The following ZNF423 variants were observed in gnomAD, a reference collection of about 807,000 sequenced individuals.
ZNF423 encodes the protein Ebf-associated zinc finger protein.
A neutral mutation model predicts 95.8 loss-of-function variants in ZNF423; 12 were observed. That is an observed-to-expected ratio of 0.13 (90% CI 0.08 to 0.20). The LOEUF is 0.20. Ranked by LOEUF, ZNF423 falls within the 10% of genes least tolerant of loss-of-function variation. ZNF423 has a pLI of 1.00. For synonymous variants in ZNF423, 749 were observed against 711.9 expected (o/e 1.05, Z -0.83); for missense variants, 1,316 against 1,737.1 (o/e 0.76, Z 4.31).
intron 5 of ZNF423, among the ~76,000 whole-genome samples, chr16:49,558,383 G>C (rs1969907290): frequency 6.6e-6 from 1 of 152,202 alleles, no homozygotes; most frequent in Non-Finnish European, 1.5e-5. Context: ...GGGGCAAGGA[G>C]AGAAAGTTCC....
chr16:49,638,192 G>T lies in ZNF423; in HGVS notation c.984C>A (p.Asn328Lys), dbSNP rs748115029. ...LLAHIHQAHA[N>K]QKHKCPMCPE... ...GGCACATGGGGCACTTGTGTTTCTGGTTGGCGTGGGCTTGGTGGATATGGG... is the reference window on the plus strand; with the variant it reads ...GGCACATGGGGCACTTGTGTTTCTGTTTGGCGTGGGCTTGGTGGATATGGG... Residue 328 changes from asparagine (N) to lysine (K), a missense_variant, in exon 4 of 8, where the codon AAC becomes AAA. Transcript: ENST00000563137. This position sits in a 1 kb window ranked among gnomAD's most constrained non-coding sequence, Gnocchi z 5.6. The T allele has an allele frequency of 6.2e-7, 1 of 1,608,122 alleles. No homozygotes were observed. The highest frequency in any genetic ancestry group is 1.1e-5 in the South Asian group (1 of 91,078).
intron 2 of ZNF423, among the ~76,000 whole-genome samples, chr16:49,741,225 T>C (rs959915935): frequency 1.3e-5 from 2 of 151,398 alleles, no homozygotes; most frequent in Non-Finnish European, 2.9e-5. Context: ...AGAAAATCCA[T>C]GGCTCACAGC....
intron 3 of ZNF423, among the ~76,000 whole-genome samples, chr16:49,650,139 A>T (rs922864041): frequency 2.0e-5 from 3 of 152,246 alleles, no homozygotes; most frequent in African/African-American, 7.2e-5. Flanking sequence ...GCCATGTGAC[A>T]GTGAACAGCT....
intron 2 of ZNF423, among the ~76,000 whole-genome samples, chr16:49,765,701 C>A (rs1311981693): frequency 1.3e-5 from 2 of 152,074 alleles, no homozygotes; most frequent in African/African-American, 4.8e-5. Context: ...GCCTGGACAA[C>A]AGAACGAGAC....
chr16:49,722,977 A>G (rs2032910103), intron 3 of ZNF423, among the ~76,000 whole-genome samples: 1 of 132,972 alleles, frequency 7.5e-6, no homozygotes. Context: ...TTTTTTTGAG[A>G]CTGAGTGTCA....
chr16:49,537,179 G>A (rs1969082261), intron 5 of ZNF423, among the ~76,000 whole-genome samples: 2 of 152,236 alleles, frequency 1.3e-5, no homozygotes, highest in Non-Finnish European at 2.9e-5. Flanking sequence ...ACACTGCAGA[G>A]CCATGAAGTT....
At chr16:49,649,666 CA>C (rs1555517866) in intron 3 of ZNF423, among the ~76,000 whole-genome samples, 1 of 50,642 alleles carries the variant, frequency 2.0e-5, no homozygotes, top group Admixed American at 1.9e-4. Context: ...CACACACACA[CA>C]CAGGGAGAGA....
At chr16:49,511,975 C>T (rs1203916215) in intron 7 of ZNF423, among the ~76,000 whole-genome samples, 3 of 152,166 alleles carry the variant, frequency 2.0e-5, no homozygotes, top group Admixed American at 1.3e-4. Context: ...TTGTGTAGCA[C>T]TTATGTTGTA....
intron 5 of ZNF423, among the ~76,000 whole-genome samples, chr16:49,534,994 C>A (rs1301288703): frequency 2.0e-5 from 3 of 152,192 alleles, no homozygotes; most frequent in Non-Finnish European, 4.4e-5. Flanking sequence ...GTTCTTCTTG[C>A]TTCTCTCTCT....
chr16:49,741,340 C>G (rs186113787), intron 2 of ZNF423, among the ~76,000 whole-genome samples: 91 of 151,860 alleles, frequency 6.0e-4, no homozygotes, highest in Admixed American at 1.2e-3. Context: ...ACTAAAAATG[C>G]CCCAAAAAAA....
intron 2 of ZNF423, among the ~76,000 whole-genome samples, chr16:49,744,888 T>A (rs1357234625): frequency 6.6e-6 from 1 of 152,226 alleles, no homozygotes; most frequent in Non-Finnish European, 1.5e-5. Context: ...CTGCTGGCGA[T>A]GTTCTTTAGT....
chr16:49,758,830 G>T (rs1445873423), intron 2 of ZNF423, among the ~76,000 whole-genome samples: 1 of 152,152 alleles, frequency 6.6e-6, no homozygotes, highest in African/African-American at 2.4e-5. Context: ...GTGGCAAGGG[G>T]TACACACGTG....
intron 1 of ZNF423, among the ~76,000 whole-genome samples, chr16:49,846,329 A>C (rs924522762): frequency 2.0e-5 from 3 of 150,614 alleles, no homozygotes; most frequent in Admixed American, 6.6e-5. Flanking sequence ...AAAGGCATAG[A>C]TATGCCACAG....
chr16:49,607,241 T>C (rs561694467), intron 5 of ZNF423, among the ~76,000 whole-genome samples: 1 of 152,242 alleles, frequency 6.6e-6, no homozygotes, highest in Non-Finnish European at 1.5e-5. Context: ...GGTCCTTGCA[T>C]AGTGAAAGGT....
chr16:49,558,210 G>C (rs1405432015), intron 5 of ZNF423, among the ~76,000 whole-genome samples: 1 of 152,182 alleles, frequency 6.6e-6, no homozygotes, highest in East Asian at 1.9e-4. Context: ...CCCCAGCAAT[G>C]GTGGGCAGAT....
At chr16:49,617,317 C>A (rs1336568978) in intron 5 of ZNF423, among the ~76,000 whole-genome samples, 1 of 152,220 alleles carries the variant, frequency 6.6e-6, no homozygotes, top group Non-Finnish European at 1.5e-5. Context: ...GCTCTGGGGC[C>A]ACTGGCCACA....
At chr16:49,682,988 A>C (rs1423065800) in intron 3 of ZNF423, among the ~76,000 whole-genome samples, 2 of 152,086 alleles carry the variant, frequency 1.3e-5, no homozygotes, top group Non-Finnish European at 2.9e-5. Flanking sequence ...GGGCTGAGGG[A>C]GCCGCTTTTC....
chr16:49,569,297 C>T (rs1970289989), intron 5 of ZNF423, among the ~76,000 whole-genome samples: 2 of 152,204 alleles, frequency 1.3e-5, no homozygotes, highest in African/African-American at 4.8e-5. Context: ...TCCTAAGGGT[C>T]AGAATGCCCC....
At chr16:49,641,674 C>G (rs148229993) in intron 3 of ZNF423, among the ~76,000 whole-genome samples, 1 of 152,202 alleles carries the variant, frequency 6.6e-6, no homozygotes, top group African/African-American at 2.4e-5. Context: ...TTCATCCATG[C>G]CCTGAACATT....
Sources: allele counts gnomAD v4.1 joint callset (sites outside exome capture counted in the v4.1 genomes callset), GRCh38; gene constraint gnomAD v4.1.1; non-coding constraint Gnocchi (gnomAD v3.1); transcripts MANE v1.5; gene names NCBI Gene and HGNC (gene_info 2026-07-23, HGNC 2026-07-21).